Variants in MRPS25 observed in about 807,000 individuals in gnomAD.
MRPS25 encodes the protein mitochondrial ribosomal protein S25.
MRPS25 carries 15 observed loss-of-function variants against 17.3 expected under a neutral mutation model. The ratio of observed to expected loss-of-function variants is 0.87; its 90% confidence interval spans 0.58 to 1.34. MRPS25 has a LOEUF of 1.34. Ranked by LOEUF, MRPS25 falls within the 40% of genes most tolerant of loss-of-function variation. The pLI, the probability that MRPS25 is intolerant of heterozygous loss-of-function variation, is 0.00. For missense variants in MRPS25, 225 were observed against 218.6 expected, an observed-to-expected ratio of 1.03 and a Z score of -0.19; for synonymous variants, 94 against 83.3, an observed-to-expected ratio of 1.13 and a Z score of -0.70.
At chr3:15,063,763 A>G (rs946394549) in intron 1 of MRPS25, among the ~76,000 whole-genome samples, 3 of 152,076 alleles carry the variant, frequency 2.0e-5, no homozygotes, top group Non-Finnish European at 2.9e-5. Context: ...GGAGCCCACA[A>G]TGCCAAACAG....
chr3:15,052,734 C>T, intron 3 of MRPS25, 101 bp from the exon 4 acceptor site: 1 of 1,209,890 alleles, frequency 8.3e-7, no homozygotes, highest in Non-Finnish European at 1.2e-6. Context: ...CCAGGGACAC[C>T]TGGATCTCCT....
downstream of MRPS25, chr3:15,046,069 A>G (rs902610422): frequency 1.3e-5 from 2 of 152,240 alleles, no homozygotes; most frequent in African/African-American, 4.8e-5. Context: ...ATACTTTTCA[A>G]GTTACTCCTG....
downstream of MRPS25, chr3:15,043,786 C>G (rs1181161044): frequency 1.3e-5 from 2 of 152,256 alleles, no homozygotes; most frequent in Non-Finnish European, 2.9e-5. Context: ...GCAGACTCCT[C>G]TAGAACCTGG....
chr3:15,059,384 G>A lies in MRPS25; in HGVS notation c.226C>T (p.Leu76=), dbSNP rs773688140. 3.1e-6 allele frequency: 5 copies of A among 1,612,750 alleles called. No homozygotes were observed. In the East Asian group the frequency reaches 1.1e-4, roughly 36 times the overall value. Residue 76 remains leucine (L), a synonymous_variant, in exon 2 of 4, where the codon CTG becomes TTG. Transcript: ENST00000253686. ...CCCCACTCACCTAAGTAGAATCGCA[G>A]GAAGGGTGACGGCGTCATGTTCTTA... The part of the protein sequence containing the change: ...MFKNMTPSPF[L]RFYLDSGEQV...
chr3:15,052,549 C>G lies in MRPS25; in HGVS notation c.414G>C (p.Glu138Asp). Residue 138 changes from glutamate to aspartate, a missense_variant, in exon 4 of 4, where the codon GAG becomes GAC. By Grantham distance (45) the Glu-to-Asp change is conservative. Transcript: ENST00000253686. ...CCTGCCCTTCCACTTCACAGATGCA[C>G]TCCCGCAGGCAGTACTTTCGAGGGC... The part of the protein sequence containing the change: ...NFGPRKYCLR[E>D]CICEVEGQVP... 1 of 1,614,202 alleles carries G rather than the reference C, an allele frequency of 6.2e-7. No homozygotes were observed. The highest frequency in any genetic ancestry group is 8.5e-7 in the Non-Finnish European group (1 of 1,180,034).
Position 15,065,303 on chromosome 3 carries a change from T to G in MRPS25, c.-109A>C, listed in dbSNP as rs368602044. 7.1e-7 allele frequency: 1 copy of G among 1,406,060 alleles called. No individual in the cohort carries two copies. Among genetic ancestry groups the G allele is most frequent in the Non-Finnish European group, 9.3e-7 (1 of 1,076,110 alleles). The allele number at this position is 1,406,060 out of a possible 1,614,324, so 87.1% of individuals were successfully genotyped here. A position where few individuals can be genotyped will look rare whatever the true frequency, so the allele number is the denominator to read the frequency against. On this transcript the variant is annotated 5_prime_UTR_variant, in exon 1 of 4. Transcript: ENST00000253686. The stretch of plus-strand genomic sequence containing the variant: ...CACGCGGCTTCTCCCCAGAGCCAGG[T>G]TCCACTTCCCGCGCAGACGCACAGG...
Position 15,050,806 on chromosome 3 carries a change from A to C in MRPS25, c.*1635T>G, listed in dbSNP as rs1033527386. The C allele has an allele frequency of 2.0e-6, 2 of 985,274 alleles. No homozygotes were observed. The highest frequency in any genetic ancestry group is 2.4e-6 in the Non-Finnish European group (2 of 829,932). The allele number at this position is 985,274 out of a possible 1,614,324, so 61.0% of individuals were successfully genotyped here. A position where few individuals can be genotyped will look rare whatever the true frequency, so the allele number is the denominator to read the frequency against. On this transcript the variant is annotated 3_prime_UTR_variant, in exon 4 of 4. Transcript: ENST00000253686. ...CGACAAGCCATCACCCCAAACCCAG[A>C]TCTGGTACAGAATCAAACTTGAGCA...
At chr3:15,059,100 G>T (rs2042711178) in intron 2 of MRPS25, among the ~76,000 whole-genome samples, 1 of 151,734 alleles carries the variant, frequency 6.6e-6, no homozygotes, top group Non-Finnish European at 1.5e-5. Context: ...TTGAGCAAAG[G>T]CATCACAGCC....
chr3:15,047,838 AT>A (rs2042509714), downstream of MRPS25: 1 of 152,182 alleles, frequency 6.6e-6, no homozygotes, highest in Non-Finnish European at 1.5e-5. Context: ...ACTCCTTTCT[AT>A]AAGTTATGAT....
At chr3:15,062,230 TG>T (rs562556013) in intron 1 of MRPS25, among the ~76,000 whole-genome samples, 30 of 1,450 alleles carry the variant, frequency 0.021, 14 homozygotes, top group East Asian at 0.067. Context: ...GGAGCCCCTC[TG>T]GCCCGGGCCA....
chr3:15,058,005 C>A lies in MRPS25; in HGVS notation c.241+1364G>T, dbSNP rs752726550. Among the ~76,000 whole-genome samples the A allele has an allele frequency of 1.3e-3, 193 of 152,036 alleles. 2 individuals carry two copies. The highest frequency in any genetic ancestry group is 1.1e-3 in the Non-Finnish European group (74 of 67,966). ...GCTCAAGCAATCCTGCCTCAGCCCCCCAAGTAGCTGGGACCACAGGCATAT... is the reference window on the plus strand; with the variant it reads ...GCTCAAGCAATCCTGCCTCAGCCCCACAAGTAGCTGGGACCACAGGCATAT... On this transcript the variant is annotated intron_variant, in intron 2 of 3. Transcript: ENST00000253686.
chr3:15,053,980 G>A (rs1054891272), intron 2 of MRPS25, among the ~76,000 whole-genome samples: 2 of 152,150 alleles, frequency 1.3e-5, no homozygotes, highest in African/African-American at 4.8e-5. Flanking sequence ...AATATGGCCG[G>A]GCGCGGTGGC....
At position 15,053,433 on chromosome 3, in the gene MRPS25, G is replaced by A; in HGVS notation, c.276C>T (p.Thr92=). The A allele has an allele frequency of 6.2e-7, 1 of 1,614,022 alleles. No individual in the cohort carries two copies. Among genetic ancestry groups the A allele is most frequent in the African/African-American group, 1.3e-5 (1 of 74,980 alleles). Residue 92 remains threonine, a synonymous_variant, in exon 3 of 4, where the codon ACC becomes ACT. Coordinates refer to ENST00000253686, the MANE Select transcript of MRPS25 (RefSeq NM_022497.5). ...GCTCCATGATCTCCTTATTGCTCTTGGTCTCCACATCCACCAGGACCTGCT... is the reference window on the plus strand; with the variant it reads ...GCTCCATGATCTCCTTATTGCTCTTAGTCTCCACATCCACCAGGACCTGCT... The part of the protein sequence containing the change: ...SGEQVLVDVE[T]KSNKEIMEHI...
chr3:15,055,405 A>G (rs988934355), intron 2 of MRPS25, among the ~76,000 whole-genome samples: 3 of 152,252 alleles, frequency 2.0e-5, no homozygotes, highest in Non-Finnish European at 2.9e-5. Context: ...GGAAAATGCA[A>G]CTTAAACCAC....
downstream of MRPS25, chr3:15,043,791 AC>A (rs1324478434): frequency 6.6e-6 from 1 of 152,176 alleles, no homozygotes; most frequent in African/African-American, 2.4e-5. Context: ...CTCCTCTAGA[AC>A]CTGGGGTTCT....
chr3:15,064,147 C>G (rs1252645717), intron 1 of MRPS25, among the ~76,000 whole-genome samples: 2 of 152,196 alleles, frequency 1.3e-5, no homozygotes, highest in East Asian at 3.8e-4. Flanking sequence ...AACATACACC[C>G]AAGTCCCAAA....
chr3:15,052,668 C>T, intron 3 of MRPS25, 35 bp from the exon 4 acceptor site: 1 of 1,602,142 alleles, frequency 6.2e-7, no homozygotes. Flanking sequence ...CAAGCATTGG[C>T]AACTTTGAGT....
chr3:15,050,407 G>C lies in MRPS25; in HGVS notation c.*2034C>G. On this transcript the variant is annotated 3_prime_UTR_variant, in exon 4 of 4. Coordinates refer to ENST00000253686, the MANE Select transcript of MRPS25 (RefSeq NM_022497.5). ...ACTCCTTTTGGTTCAGGACATTCCTGCTGGTTAGCAGCCTCTTTGGGCCCT... is the reference window on the plus strand; with the variant it reads ...ACTCCTTTTGGTTCAGGACATTCCTCCTGGTTAGCAGCCTCTTTGGGCCCT... The C allele has an allele frequency of 9.9e-7, 1 of 1,005,570 alleles. No homozygotes were observed. The highest frequency in any genetic ancestry group is 1.2e-6 in the Non-Finnish European group (1 of 844,434). 62.3% of individuals were successfully genotyped at this position (1,005,570 alleles called of 1,614,324 possible).
chr3:15,050,455 A>T lies in MRPS25; in HGVS notation c.*1986T>A. 3 of 983,536 alleles carry T rather than the reference A, an allele frequency of 3.1e-6. No homozygotes were observed. The highest frequency in any genetic ancestry group is 2.4e-6 in the Non-Finnish European group (2 of 829,768). 60.9% of individuals were successfully genotyped at this position (983,536 alleles called of 1,614,324 possible). On this transcript the variant is annotated 3_prime_UTR_variant, in exon 4 of 4. Coordinates refer to ENST00000253686, the MANE Select transcript of MRPS25 (RefSeq NM_022497.5). ...CCTAGAGGGAAGGAATACTCTCATA[A>T]GGCTTTGTGTGTCACTAGCTATGGA...
Sources: gnomAD v4.1 joint callset for allele counts (sites outside exome capture counted in the v4.1 genomes callset) on GRCh38, gnomAD v4.1.1 for gene constraint, MANE v1.5 for transcripts, NCBI Gene and HGNC (gene_info 2026-07-23, HGNC 2026-07-21) for gene names.